CPZ: variants seen among roughly 807,000 people sequenced by gnomAD.
The protein encoded by CPZ is carboxypeptidase Z.
In CPZ, 103 loss-of-function variants were observed where a neutral mutation model predicts 61.8. The observed-to-expected ratio is 1.67, with a 90% CI of 1.42 to 1.96. The LOEUF (loss-of-function observed/expected upper bound fraction) is 1.96. Ranked by LOEUF, CPZ falls within the 30% of genes most tolerant of loss-of-function variation. CPZ has a pLI of 0.00. For missense variants in CPZ, 1,461 were observed against 914.9 expected (o/e 1.60, Z -7.70); for synonymous variants, 551 against 373.7 (o/e 1.47, Z -5.47).
rs1185244828 is a variant in CPZ, at chr4:8,606,122, C to T, written c.843C>T (p.Asn281=). The change falls in exon 5 of 11, where the codon AAC becomes AAT. Residue 281 remains asparagine (N), a synonymous_variant. Coordinates refer to ENST00000360986, the MANE Select transcript of CPZ (RefSeq NM_001014447.3). ...ACCCCCGCATCCAGCGCCTGCTCAA[C>T]ACCACCCGCATCCACCTGCTGCCCT... ...LGNPRIQRLL[N]TTRIHLLPSM... The T allele has an allele frequency of 4.3e-6, 7 of 1,614,076 alleles. No homozygotes were observed. Among genetic ancestry groups the T allele is most frequent in the Non-Finnish European group, 5.9e-6 (7 of 1,180,036 alleles).
Position 8,614,442 on chromosome 4 carries a change from G to T in CPZ, c.1447G>T (p.Ala483Ser). 2 of 1,614,002 alleles carry T rather than the reference G, an allele frequency of 1.2e-6. No homozygotes were observed. The highest frequency in any genetic ancestry group is 1.7e-6 in the Non-Finnish European group (2 of 1,179,966). Reference protein sequence around the residue: ...LGCVKFPPEEALYILWQHNKE... With the variant: ...LGCVKFPPEESLYILWQHNKE... The stretch of plus-strand genomic sequence containing the variant: ...CTGTGTGAAGTTCCCCCCCGAGGAG[G>T]CCCTGTACATACTCTGGCAGCACAA... Residue 483 changes from alanine to serine, a missense_variant, in exon 9 of 11, where the codon GCC (alanine) becomes TCC (serine). Coordinates refer to ENST00000360986, the MANE Select transcript of CPZ (RefSeq NM_001014447.3).
chr4:8,614,059 C>T (rs753911106), intron 8 of CPZ, among the ~76,000 whole-genome samples: 1 of 152,268 alleles, frequency 6.6e-6, no homozygotes, highest in Non-Finnish European at 1.5e-5. Flanking sequence ...GCAGCTCTGC[C>T]TCTTCCCATT....
At chr4:8,604,322 G>T (rs1430374465) in intron 4 of CPZ, 134 bp downstream of exon 4, 1 of 772,492 alleles carries the variant, frequency 1.3e-6, no homozygotes, top group Non-Finnish European at 2.0e-6. Flanking sequence ...GCTGCTTGGT[G>T]CAGGCCACGT....
intron 1 of CPZ, among the ~76,000 whole-genome samples, chr4:8,597,995 G>C (rs1714305038): frequency 6.6e-6 from 1 of 152,216 alleles, no homozygotes; most frequent in Admixed American, 6.5e-5. Flanking sequence ...GTGGTTCATA[G>C]TCCATGTTCC....
chr4:8,618,396 G>T (rs115718188), intron 9 of CPZ, 33 bp from the exon 10 acceptor site: 14 of 1,604,954 alleles, frequency 8.7e-6, no homozygotes, highest in Non-Finnish European at 1.1e-5. Flanking sequence ...GAGAGCTCAC[G>T]CCATCTCCCT....
At chr4:8,598,094 G>C (rs1714312438) in intron 1 of CPZ, among the ~76,000 whole-genome samples, 1 of 152,244 alleles carries the variant, frequency 6.6e-6, no homozygotes, top group Admixed American at 6.5e-5. Flanking sequence ...CACGCCCGGA[G>C]AGCGCTGTGT....
At chr4:8,614,307 C>T (rs943191154) in intron 8 of CPZ, 52 bp from the exon 9 acceptor site, 19 of 1,579,638 alleles carry the variant, frequency 1.2e-5, no homozygotes, top group African/African-American at 7.0e-5. Flanking sequence ...GACGTCCCGG[C>T]TGTCTCTGTG....
chr4:8,608,390 C>T (rs1382319756), intron 7 of CPZ, among the ~76,000 whole-genome samples: 1 of 152,142 alleles, frequency 6.6e-6, no homozygotes, highest in Admixed American at 6.5e-5. Context: ...AGGTGCCGGG[C>T]CCCTCATAAC....
intron 1 of CPZ, chr4:8,597,537 C>T (rs917426370): frequency 1.3e-5 from 2 of 152,266 alleles, no homozygotes; most frequent in African/African-American, 4.8e-5. Context: ...CAGGGGGACT[C>T]AAGCTCCTCT....
At chr4:8,607,129 G>C (rs948661131) in intron 6 of CPZ, 138 bp from the exon 7 acceptor site, 2 of 1,146,234 alleles carry the variant, frequency 1.7e-6, no homozygotes, top group African/African-American at 3.1e-5. Context: ...GATGGGGGCC[G>C]AGTCCAGCTG....
At chr4:8,609,063 C>A (rs62288587) in intron 7 of CPZ, among the ~76,000 whole-genome samples, 53,875 of 135,276 alleles carry the variant, frequency 0.4, 11,251 homozygotes, top group Admixed American at 0.53. Flanking sequence ...TCCCTCACTC[C>A]CTCACTCACC....
intron 8 of CPZ, 31 bp downstream of exon 8, chr4:8,612,193 GGGGTGGGGGGTGCAGGGGCTGGGT>G: frequency 2.7e-6 from 1 of 367,212 alleles, no homozygotes; most frequent in Non-Finnish European, 4.6e-6. Context: ...GACTGGGCGG[GGGGTGGGGGGTGCAGGGGCTGGGT>G]GGGGCAGGGG....
In CPZ at chr4:8,606,017, C is replaced by A; in HGVS notation, c.738C>A (p.Asn246Lys). ...AGCCCGAGGTGAAGCTCATCGGCAA[C>A]ATTCATGGCAACGAGGTGGCGGGCC... ...LMEPEVKLIG[N>K]IHGNEVAGRE... Residue 246 changes from asparagine (N) to lysine (K), a missense_variant, in exon 5 of 11, where the codon AAC (asparagine) becomes AAA (lysine). By Grantham distance (94) the Asn-to-Lys change is moderately conservative. Transcript: ENST00000360986. The A allele has an allele frequency of 1.2e-6, 2 of 1,614,016 alleles. No homozygotes were observed. Among genetic ancestry groups the A allele is most frequent in the Non-Finnish European group, 1.7e-6 (2 of 1,179,870 alleles).
chr4:8,609,184 G>GCATTCACTCACTCCCTCATTCACTTACT (rs796375066), intron 7 of CPZ, among the ~76,000 whole-genome samples: 54,129 of 108,544 alleles, frequency 0.5, 10,341 homozygotes, highest in African/African-American at 0.57. Context: ...ATTCACTCAG[G>GCATTCACTCACTCCCTCATTCACTTACT]CATTCACTCA....
chr4:8,614,433 C>A lies in CPZ; in HGVS notation c.1438C>A (p.Pro480Thr), dbSNP rs144878756. 4.4e-5 allele frequency: 71 copies of A among 1,613,912 alleles called. No individual in the cohort carries two copies. The highest frequency in any genetic ancestry group is 5.3e-5 in the Non-Finnish European group (62 of 1,179,980). Reference protein sequence around the residue: ...TVELGCVKFPPEEALYILWQH... With the variant: ...TVELGCVKFPTEEALYILWQH... Reference sequence around the variant, plus strand: ...AGAGCTGGGCTGTGTGAAGTTCCCCCCCGAGGAGGCCCTGTACATACTCTG... The same window carrying A: ...AGAGCTGGGCTGTGTGAAGTTCCCCACCGAGGAGGCCCTGTACATACTCTG... Residue 480 changes from proline (P) to threonine (T), a missense_variant, in exon 9 of 11, where the codon CCC (proline) becomes ACC (threonine). By Grantham distance (38) the Pro-to-Thr change is conservative. Coordinates refer to ENST00000360986, the MANE Select transcript of CPZ (RefSeq NM_001014447.3).
At position 8,605,825 on chromosome 4, in the gene CPZ, G is replaced by T. The variant is rs143552919; in HGVS notation, c.710-164G>T. Among the ~76,000 whole-genome samples, 8 of 152,366 alleles carry T rather than the reference G, an allele frequency of 5.3e-5. No homozygotes were observed. In the South Asian group the frequency reaches 1.2e-3, roughly 24 times the overall value. On this transcript the variant is annotated intron_variant, in intron 4 of 10. Coordinates refer to ENST00000360986, the MANE Select transcript of CPZ (RefSeq NM_001014447.3). ...GGCATAAAAAACGAGCTTAACAAAAGTGATGACCTTGATGAGACCTCATTA... is the reference window on the plus strand; with the variant it reads ...GGCATAAAAAACGAGCTTAACAAAATTGATGACCTTGATGAGACCTCATTA...
chr4:8,619,442 T>C lies in CPZ; in HGVS notation c.1784T>C (p.Leu595Pro). The part of the protein sequence containing the change: ...GMGPKNFIHG[L>P]RRTGPHDPLG... ...GGACCCAAGAACTTTATTCATGGGC[T>C]GCGGAGGACTGGGCCCCACGACCCA... Residue 595 changes from leucine to proline, a missense_variant, in exon 11 of 11, where the codon CTG (leucine) becomes CCG (proline). Transcript: ENST00000360986. The C allele has an allele frequency of 6.2e-7, 1 of 1,613,630 alleles. No individual in the cohort carries two copies. The highest frequency in any genetic ancestry group is 2.2e-5 in the East Asian group (1 of 44,864).
chr4:8,617,402 T>C (rs1716269659), intron 9 of CPZ, among the ~76,000 whole-genome samples: 1 of 152,176 alleles, frequency 6.6e-6, no homozygotes, highest in Admixed American at 6.5e-5. Flanking sequence ...AGGAGGATGC[T>C]CCTGTTGCCA....
chr4:8,597,435 C>G lies in CPZ; in HGVS notation c.89-2018C>G, dbSNP rs1013421077. 5.3e-5 allele frequency: 8 copies of G among 152,204 alleles called. 1 individual carries two copies. The highest frequency in any genetic ancestry group is 2.1e-4 in the South Asian group (1 of 4,832). 9.4% of individuals were successfully genotyped at this position (152,204 alleles called of 1,614,324 possible). ...TGCAGATTGGTGGAGTCTGGGGACG[C>G]TCTGTCTGGACCATGAAGGCCTGGG... On this transcript the variant is annotated intron_variant, in intron 1 of 10. Coordinates refer to ENST00000360986, the MANE Select transcript of CPZ (RefSeq NM_001014447.3).
Sources: gnomAD v4.1 joint callset for allele counts (sites outside exome capture counted in the v4.1 genomes callset) on GRCh38, gnomAD v4.1.1 for gene constraint, MANE v1.5 for transcripts, NCBI Gene and HGNC (gene_info 2026-07-23, HGNC 2026-07-21) for gene names.